Variants in ITPK1 observed in about 807,000 individuals in gnomAD.
The protein encoded by ITPK1 is inositol 1,3,4-trisphosphate 5/6-kinase.
ITPK1 carries 21 observed loss-of-function variants against 45.3 expected under a neutral mutation model. The observed-to-expected ratio is 0.46, with a 90% CI of 0.33 to 0.67. The LOEUF (loss-of-function observed/expected upper bound fraction) is 0.67, where lower values mean the gene tolerates loss of function less well. Among genes scored for constraint, ITPK1 ranks in the 30% least tolerant of loss-of-function variants. The pLI is 0.02. For synonymous variants in ITPK1, 258 were observed against 253.6 expected, an observed-to-expected ratio of 1.02 and a Z score of -0.16; for missense variants, 474 against 573.5, an observed-to-expected ratio of 0.83 and a Z score of 1.77.
intron 3 of ITPK1, chr14:93,068,512 G>C (rs142378008): frequency 3.3e-5 from 5 of 152,296 alleles, no homozygotes; most frequent in African/African-American, 9.7e-5. Context: ...CACAGCGATT[G>C]TTATTCCCAA....
intron 3 of ITPK1, among the ~76,000 whole-genome samples, chr14:93,075,419 GCCTGGACAAAAA>G (rs1228092496): frequency 6.7e-6 from 1 of 148,878 alleles, no homozygotes; most frequent in South Asian, 2.1e-4. Flanking sequence ...GCCAAGAAGA[GCCTGGACAAAAA>G]CCTAGAGCTG....
At chr14:93,081,870 G>A (rs1360564950) in intron 2 of ITPK1, among the ~76,000 whole-genome samples, 1 of 152,194 alleles carries the variant, frequency 6.6e-6, no homozygotes, top group Non-Finnish European at 1.5e-5. Flanking sequence ...CTTTACCTAT[G>A]GGCCAGTGGG....
intron 2 of ITPK1, among the ~76,000 whole-genome samples, chr14:93,078,318 G>A (rs1891310448): frequency 6.6e-6 from 1 of 152,184 alleles, no homozygotes; most frequent in South Asian, 2.1e-4. Context: ...AGCTCATTCA[G>A]TGAGGGCTTC....
chr14:93,001,921 C>G (rs1187469440), intron 4 of ITPK1, among the ~76,000 whole-genome samples: 1 of 152,182 alleles, frequency 6.6e-6, no homozygotes. Flanking sequence ...GACGGGGGTC[C>G]TGCCAAGATT....
At chr14:92,941,988 T>G in intron 10 of ITPK1, 84 bp from the exon 11 acceptor site, 1 of 1,182,218 alleles carries the variant, frequency 8.5e-7, no homozygotes, top group South Asian at 1.3e-5. Context: ...GCAGAACCGA[T>G]GGGCTCCTGG....
At chr14:93,095,576 T>G (rs1359067495) in intron 2 of ITPK1, among the ~76,000 whole-genome samples, 1 of 74,744 alleles carries the variant, frequency 1.3e-5, no homozygotes, top group Non-Finnish European at 3.4e-5. Context: ...CGGACTAGGT[T>G]TTTTTTTTTT....
intron 2 of ITPK1, among the ~76,000 whole-genome samples, chr14:93,103,191 G>A (rs1315516908): frequency 2.6e-5 from 4 of 151,936 alleles, no homozygotes; most frequent in Admixed American, 1.3e-4. Context: ...CACTTTGGGA[G>A]GCTGAGACGG....
Position 93,012,737 on chromosome 14 carries a change from G to A in ITPK1, c.246+3939C>T, listed in dbSNP as rs868223151. 6.6e-6 allele frequency among the ~76,000 whole-genome samples: 1 copy of A among 152,176 alleles called. No individual in the cohort carries two copies. Among genetic ancestry groups the A allele is most frequent in the Non-Finnish European group, 1.5e-5 (1 of 68,026 alleles). ...GACCGGGAATTCAGGGGACATCTGA[G>A]GGACAATTACCGTCCTTCCAGCTGA... On this transcript the variant is annotated intron_variant, in intron 4 of 10. Coordinates refer to ENST00000267615, the MANE Select transcript of ITPK1 (RefSeq NM_014216.6). The surrounding 1 kb of genome is among the most constrained non-coding windows in gnomAD (Gnocchi z 4.9).
intron 3 of ITPK1, among the ~76,000 whole-genome samples, chr14:93,050,012 T>C (rs1889938166): frequency 6.6e-6 from 1 of 151,996 alleles, no homozygotes; most frequent in South Asian, 2.1e-4. Flanking sequence ...GCGCCGACAA[T>C]CCCTGCTGCT....
intron 2 of ITPK1, among the ~76,000 whole-genome samples, chr14:93,080,331 T>A (rs181685709): frequency 6.6e-6 from 1 of 152,330 alleles, no homozygotes; most frequent in African/African-American, 2.4e-5. Context: ...CCCTCATACA[T>A]TGCTTCAATG....
intron 4 of ITPK1, among the ~76,000 whole-genome samples, chr14:93,004,784 G>C (rs1055963026): frequency 2.0e-5 from 3 of 152,002 alleles, no homozygotes; most frequent in Admixed American, 2.0e-4. Context: ...TGTGGGTGCG[G>C]GGGGCACAGG....
intron 3 of ITPK1, among the ~76,000 whole-genome samples, chr14:93,017,973 G>A (rs1178334514): frequency 6.6e-6 from 1 of 152,176 alleles, no homozygotes; most frequent in African/African-American, 2.4e-5. Context: ...GGAAGGCGGT[G>A]AAGTGGGGAC....
At chr14:93,090,630 C>CT (rs1258002057) in intron 2 of ITPK1, among the ~76,000 whole-genome samples, 1 of 151,990 alleles carries the variant, frequency 6.6e-6, no homozygotes, top group South Asian at 2.1e-4. Flanking sequence ...CTTTTCTTTT[C>CT]TTTTTTTGGC....
At chr14:93,059,181 A>G (rs1444607185) in intron 3 of ITPK1, among the ~76,000 whole-genome samples, 4 of 4,284 alleles carry the variant, frequency 9.3e-4, no homozygotes, top group Non-Finnish European at 7.7e-4. Context: ...GGGGGTGCAG[A>G]TCATGAGGCA....
chr14:93,071,485 C>T (rs961253649), intron 3 of ITPK1: 2 of 152,238 alleles, frequency 1.3e-5, no homozygotes, highest in Admixed American at 6.5e-5. Context: ...TCTATTTGCA[C>T]ATTTTTAAGT....
At position 93,016,897 on chromosome 14, in the gene ITPK1, C is replaced by A. The variant is rs1274209020; in HGVS notation, c.121-96G>T. 2.6e-6 allele frequency: 4 copies of A among 1,523,490 alleles called. No individual in the cohort carries two copies. The highest frequency in any genetic ancestry group is 3.6e-6 in the Non-Finnish European group (4 of 1,124,226). The allele number at this position is 1,523,490 out of a possible 1,614,324, so 94.4% of individuals were successfully genotyped here. ...CACCCTGGGGCATATCACCAGAGGA[C>A]CCTCGAGCCTCCCTGTAGCACTCTG... On this transcript the variant is annotated intron_variant, in intron 3 of 10. Coordinates refer to ENST00000267615, the MANE Select transcript of ITPK1 (RefSeq NM_014216.6). This position sits in a 1 kb window ranked among gnomAD's most constrained non-coding sequence, Gnocchi z 5.0.
chr14:92,989,539 G>A (rs1222630438), intron 5 of ITPK1, among the ~76,000 whole-genome samples: 1 of 152,200 alleles, frequency 6.6e-6, no homozygotes, highest in Non-Finnish European at 1.5e-5. Flanking sequence ...GCCGTGCCCA[G>A]AATCGCTCAC....
intron 5 of ITPK1, among the ~76,000 whole-genome samples, chr14:92,972,569 T>C (rs1885715517): frequency 6.6e-6 from 1 of 152,154 alleles, no homozygotes; most frequent in Admixed American, 6.5e-5. Context: ...ATGAATATAC[T>C]TCCCAACTCT....
In ITPK1 at chr14:93,014,875, G is replaced by T. The variant is rs998147729; in HGVS notation, c.246+1801C>A. The stretch of plus-strand genomic sequence containing the variant: ...GCTCTGCAGTGCTTTCTGAGGTAAC[G>T]GTAATCAGGCATCTGGAAGGCCATC... On this transcript the variant is annotated intron_variant, in intron 4 of 10. Transcript: ENST00000267615. This position sits in a 1 kb window ranked among gnomAD's most constrained non-coding sequence, Gnocchi z 4.4. Among the ~76,000 whole-genome samples the T allele has an allele frequency of 2.0e-5, 3 of 152,228 alleles. No individual in the cohort carries two copies. The highest frequency in any genetic ancestry group is 6.5e-5 in the Admixed American group (1 of 15,284).
Sources: allele counts gnomAD v4.1 joint callset (sites outside exome capture counted in the v4.1 genomes callset), GRCh38; gene constraint gnomAD v4.1.1; non-coding constraint Gnocchi (gnomAD v3.1); transcripts MANE v1.5; gene names NCBI Gene and HGNC (gene_info 2026-07-23, HGNC 2026-07-21).